Variants in RUNDC3B observed in about 807,000 individuals in gnomAD.
RUNDC3B encodes RUN domain-containing protein 3B.
Under a neutral mutation model 58.4 loss-of-function variants are expected in RUNDC3B, and 33 were observed. The ratio of observed to expected loss-of-function variants is 0.56; its 90% CI spans 0.43 to 0.75. The LOEUF (loss-of-function observed/expected upper bound fraction) is 0.75. RUNDC3B is among the 30% of genes least tolerant of loss of function. RUNDC3B has a pLI of 0.00. For missense variants in RUNDC3B, 501 were observed against 535.7 expected (o/e 0.94, Z 0.64); for synonymous variants, 193 against 195.2 (o/e 0.99, Z 0.10).
chr7:87,816,438 G>A (rs10235854), intron 10 of RUNDC3B, among the ~76,000 whole-genome samples, 176 bp downstream of exon 10: 1 of 151,910 alleles, frequency 6.6e-6, no homozygotes, highest in South Asian at 2.1e-4. Flanking sequence ...GTGTGGGGGG[G>A]GCTAACCTTC....
intron 2 of RUNDC3B, among the ~76,000 whole-genome samples, chr7:87,699,463 G>C (rs1828813249): frequency 6.6e-6 from 1 of 152,104 alleles, no homozygotes; most frequent in Non-Finnish European, 1.5e-5. Flanking sequence ...GGGTGCAGTG[G>C]CTCAACCTCA....
intron 2 of RUNDC3B, among the ~76,000 whole-genome samples, chr7:87,668,417 T>G (rs1401126081): frequency 6.6e-6 from 1 of 152,096 alleles, no homozygotes; most frequent in Non-Finnish European, 1.5e-5. Flanking sequence ...ATTTTATTAG[T>G]TTTTTCAAAA....
At chr7:87,717,045 G>A (rs1375326166) in intron 4 of RUNDC3B, among the ~76,000 whole-genome samples, 1 of 152,116 alleles carries the variant, frequency 6.6e-6, no homozygotes, top group Non-Finnish European at 1.5e-5. Context: ...GTATCCTCTT[G>A]CCTCAGCTTC....
intron 4 of RUNDC3B, among the ~76,000 whole-genome samples, chr7:87,716,593 A>G (rs1449162873): frequency 6.6e-6 from 1 of 152,148 alleles, no homozygotes; most frequent in Non-Finnish European, 1.5e-5. Flanking sequence ...CAAACTAGTG[A>G]AGTTCTTTGC....
rs1443510277 is a variant in RUNDC3B at position 87,660,391 on chromosome 7, CTAGT to C, written c.238+9460_238+9463del. Among the ~76,000 whole-genome samples the C allele has an allele frequency of 3.9e-5, 6 of 152,100 alleles. No homozygotes were observed. In the East Asian group the frequency reaches 1.2e-3, roughly 29 times the overall value. On this transcript the variant is annotated intron_variant, in intron 2 of 10. Transcript: ENST00000394654. ...CCATATACTCTCAATTTTTAAATCT[CTAGT>C]TAGTTGTAGTATTTCCTTTAATGTG...
At chr7:87,694,590 A>T (rs1467887302) in intron 2 of RUNDC3B, among the ~76,000 whole-genome samples, 1 of 152,140 alleles carries the variant, frequency 6.6e-6, no homozygotes. Flanking sequence ...AAGCAATTTT[A>T]TCTGTTTTAT....
At chr7:87,806,210 T>C (rs1345265285) in intron 8 of RUNDC3B, among the ~76,000 whole-genome samples, 1 of 152,178 alleles carries the variant, frequency 6.6e-6, no homozygotes, top group Non-Finnish European at 1.5e-5. Context: ...TGCACACAGA[T>C]ACCCCATAAA....
intron 10 of RUNDC3B, among the ~76,000 whole-genome samples, chr7:87,820,460 C>A (rs1837354767): frequency 6.6e-6 from 1 of 152,126 alleles, no homozygotes; most frequent in Non-Finnish European, 1.5e-5. Context: ...ACCAGAGGTA[C>A]AAGGAGGAAC....
At chr7:87,751,423 A>G (rs1832977023) in intron 6 of RUNDC3B, among the ~76,000 whole-genome samples, 1 of 152,160 alleles carries the variant, frequency 6.6e-6, no homozygotes, top group African/African-American at 2.4e-5. Context: ...GAAGAAAGTC[A>G]TTGGTAGCTT....
intron 4 of RUNDC3B, among the ~76,000 whole-genome samples, chr7:87,720,040 T>C (rs1428102647): frequency 6.9e-6 from 1 of 143,964 alleles, no homozygotes; most frequent in Non-Finnish European, 1.5e-5. Flanking sequence ...AAAAACACCA[T>C]ATAGAAACAT....
Position 87,694,046 on chromosome 7 carries a change from T to G in RUNDC3B, c.239-6375T>G, listed in dbSNP as rs2130659464. ...GGGGAGGGCTGTATCAGTTAAGTGA[T>G]CTTTTTTAGTACATTGCATGGGTTT... On this transcript the variant is annotated intron_variant, in intron 2 of 10. Transcript: ENST00000394654. 4 of 1,572,190 alleles carry G rather than the reference T, an allele frequency of 2.5e-6. No homozygotes were observed. In the South Asian group the frequency reaches 4.8e-5, roughly 19 times the overall value.
intron 4 of RUNDC3B, among the ~76,000 whole-genome samples, chr7:87,733,688 T>TA (rs1487841268): frequency 6.6e-6 from 1 of 152,156 alleles, no homozygotes; most frequent in East Asian, 1.9e-4. Flanking sequence ...AGGCATTAGT[T>TA]AGAGTATCAT....
intron 6 of RUNDC3B, among the ~76,000 whole-genome samples, chr7:87,768,305 C>T (rs531940898): frequency 1.3e-5 from 2 of 152,262 alleles, no homozygotes; most frequent in African/African-American, 4.8e-5. Flanking sequence ...CCTCTCCCTC[C>T]CCTAGGAGTG....
chr7:87,728,327 G>A (rs917975518), intron 4 of RUNDC3B, among the ~76,000 whole-genome samples: 3 of 152,126 alleles, frequency 2.0e-5, no homozygotes, highest in Non-Finnish European at 4.4e-5. Context: ...ATCAAGTTTT[G>A]CATTTTTCAG....
At chr7:87,761,365 G>A (rs1833672579) in intron 6 of RUNDC3B, among the ~76,000 whole-genome samples, 2 of 151,998 alleles carry the variant, frequency 1.3e-5, no homozygotes, top group Non-Finnish European at 2.9e-5. Context: ...TGCATTTCTG[G>A]TGGGAAAATG....
chr7:87,807,992 C>T (rs971406043), intron 9 of RUNDC3B, among the ~76,000 whole-genome samples: 2 of 151,944 alleles, frequency 1.3e-5, no homozygotes, highest in African/African-American at 4.8e-5. Context: ...TTCTTTGTCC[C>T]GATGTTCAGG....
At position 87,700,683 on chromosome 7, in the gene RUNDC3B, C is replaced by T. The variant is rs140799414; in HGVS notation, c.372+129C>T. On this transcript the variant is annotated intron_variant, in intron 3 of 10. Transcript: ENST00000394654. ...GAAGCATAATAAAATACGTCCTGTTCTGTGATGTTTCTACATTTCTTGAAT... is the reference window on the plus strand; with the variant it reads ...GAAGCATAATAAAATACGTCCTGTTTTGTGATGTTTCTACATTTCTTGAAT... The T allele has an allele frequency of 2.0e-4, 156 of 791,836 alleles. No homozygotes were observed. In the African/African-American group the frequency reaches 2.6e-3, roughly 13 times the overall value. The allele number at this position is 791,836 out of a possible 1,614,324, so 49.1% of individuals were successfully genotyped here. A position where few individuals can be genotyped will look rare whatever the true frequency, so the allele number is the denominator to read the frequency against.
chr7:87,662,094 T>C (rs1176446920), intron 2 of RUNDC3B, among the ~76,000 whole-genome samples: 1 of 151,980 alleles, frequency 6.6e-6, no homozygotes, highest in East Asian at 1.9e-4. Flanking sequence ...ATTTTAAGTT[T>C]AATTATTAGT....
chr7:87,643,854 A>G (rs1822703305), intron 1 of RUNDC3B, among the ~76,000 whole-genome samples: 1 of 150,464 alleles, frequency 6.6e-6, no homozygotes. Context: ...ATAATATTTG[A>G]AGAAAGAAGG....
Sources: allele counts gnomAD v4.1 joint callset (sites outside exome capture counted in the v4.1 genomes callset), GRCh38; gene constraint gnomAD v4.1.1; transcripts MANE v1.5; gene names NCBI Gene and HGNC (gene_info 2026-07-23, HGNC 2026-07-21).